DNAH6: variants seen among roughly 807,000 people sequenced by gnomAD.
The protein encoded by DNAH6 is axonemal beta dynein heavy chain 6.
DNAH6 carries 340 observed loss-of-function variants against 491.4 expected under a neutral mutation model. That is an observed-to-expected ratio of 0.69 (90% CI 0.63 to 0.76). The LOEUF (loss-of-function observed/expected upper bound fraction) is 0.76, where lower values mean the gene tolerates loss of function less well. Among genes scored for constraint, DNAH6 ranks in the 30% least tolerant of loss-of-function variants. DNAH6 has a pLI of 0.00. For missense variants in DNAH6, 4,443 were observed against 4,972.2 expected (o/e 0.89, Z 3.20); for synonymous variants, 1,603 against 1,686.1 (o/e 0.95, Z 1.21).
chr2:84,623,513 ATATT>A (rs1687586581), intron 26 of DNAH6, among the ~76,000 whole-genome samples: 4 of 152,304 alleles, frequency 2.6e-5, no homozygotes, highest in Middle Eastern at 3.4e-3. Context: ...TAAATTTTCA[ATATT>A]TATTTATCAA....
chr2:84,712,326 A>T (rs1172998219), intron 56 of DNAH6, among the ~76,000 whole-genome samples: 1 of 152,250 alleles, frequency 6.6e-6, no homozygotes, highest in Non-Finnish European at 1.5e-5. Flanking sequence ...TGTGGAACAG[A>T]TTTGTTAAAA....
chr2:84,661,392 A>C (rs1691496471), intron 37 of DNAH6, among the ~76,000 whole-genome samples: 1 of 152,164 alleles, frequency 6.6e-6, no homozygotes, highest in African/African-American at 2.4e-5. Flanking sequence ...GAAGAAGTAA[A>C]ATAGTCATTA....
At chr2:84,696,659 GTT>G (rs1393386400) in intron 46 of DNAH6, among the ~76,000 whole-genome samples, 1 of 151,888 alleles carries the variant, frequency 6.6e-6, no homozygotes, top group Non-Finnish European at 1.5e-5. Flanking sequence ...AAAACAAAAA[GTT>G]TCAAATGAAG....
chr2:84,473,493 C>G, the DNAH6 span, among the ~76,000 whole-genome samples: 1 of 152,204 alleles, frequency 6.6e-6, no homozygotes, highest in Non-Finnish European at 1.5e-5. Context: ...TGGATTAATT[C>G]ATTCTACTTG....
intron 63 of DNAH6, among the ~76,000 whole-genome samples, chr2:84,749,180 ACT>A (rs1394571912): frequency 2.6e-5 from 4 of 151,984 alleles, no homozygotes; most frequent in Admixed American, 1.3e-4. Context: ...AAACATTCAA[ACT>A]CTGTCATTCT....
chr2:84,705,636 G>T lies in DNAH6; in HGVS notation c.8616G>T (p.Glu2872Asp). The T allele has an allele frequency of 6.4e-7, 1 of 1,551,606 alleles. No homozygotes were observed. Among genetic ancestry groups the T allele is most frequent in the Non-Finnish European group, 8.7e-7 (1 of 1,146,972 alleles). Residue 2872 changes from glutamate (E) to aspartate (D), a missense_variant, in exon 52 of 77, where the codon GAG becomes GAT. Physicochemically the swap from Glu to Asp is conservative, Grantham distance 45. Around this residue, in one of 3 missense-constraint regions of DNAH6, gnomAD observed 1,463 missense variants for 1,656.6 expected, o/e 0.88. Coordinates refer to ENST00000389394, the MANE Select transcript of DNAH6 (RefSeq NM_001370.2). ...NNPDFVPEKV[E>D]KVSKACKSMC... ...CTGATTTTGTGCCTGAAAAAGTGGA[G>T]AAAGTGTCCAAAGCATGTAAATCTA...
chr2:84,525,956 C>G (rs2104433954), intron 3 of DNAH6, among the ~76,000 whole-genome samples: 1 of 152,238 alleles, frequency 6.6e-6, no homozygotes, highest in African/African-American at 2.4e-5. Flanking sequence ...ACAGTGCCTT[C>G]TGACCTTCTT....
At chr2:84,593,114 A>G (rs1443094595) in intron 16 of DNAH6, among the ~76,000 whole-genome samples, 1 of 152,216 alleles carries the variant, frequency 6.6e-6, no homozygotes, top group Non-Finnish European at 1.5e-5. Context: ...CAATAAAAAG[A>G]AAAGTTAAAA....
chr2:84,785,716 A>C lies in DNAH6; in HGVS notation c.11060A>C (p.Gln3687Pro). The change falls in exon 67 of 77, where the codon CAA becomes CCA. Residue 3687 changes from glutamine (Q) to proline (P), a missense_variant. Transcript: ENST00000389394. ...EENILGKKWR[Q>P]IIFGICFFHA... ...AATATACTTGGAAAAAAATGGAGACAAATAATATTTGGCATTTGTTTCTTC... is the reference window on the plus strand; with the variant it reads ...AATATACTTGGAAAAAAATGGAGACCAATAATATTTGGCATTTGTTTCTTC... The C allele has an allele frequency of 1.3e-6, 2 of 1,547,440 alleles. No homozygotes were observed. The highest frequency in any genetic ancestry group is 1.7e-6 in the Non-Finnish European group (2 of 1,145,644).
intron 43 of DNAH6, 23 bp downstream of exon 43, chr2:84,685,495 T>G: frequency 7.3e-7 from 1 of 1,366,360 alleles, no homozygotes; most frequent in Non-Finnish European, 9.6e-7. Flanking sequence ...CTTTACCTAT[T>G]CTTTTTTTTA....
chr2:84,737,662 G>A (rs1184335541), intron 62 of DNAH6, among the ~76,000 whole-genome samples: 1 of 151,658 alleles, frequency 6.6e-6, no homozygotes, highest in Non-Finnish European at 1.5e-5. Flanking sequence ...TATTTCGGGG[G>A]GATCATTTGT....
At chr2:84,492,434 G>A in the DNAH6 span, among the ~76,000 whole-genome samples, 2 of 152,150 alleles carry the variant, frequency 1.3e-5, no homozygotes, top group South Asian at 4.1e-4. Context: ...CCTGTGTGGT[G>A]CCACAAATTC....
rs1428640441 is a variant in DNAH6, at chr2:84,640,557, A to G, written c.4949A>G (p.Lys1650Arg). 1 of 1,550,404 alleles carries G rather than the reference A, an allele frequency of 6.4e-7. No individual in the cohort carries two copies. Among genetic ancestry groups the G allele is most frequent in the African/African-American group, 1.4e-5 (1 of 73,098 alleles). ...TACGACTTTGGCATGAGAGCTGTGA[A>G]GTCTGTCCTGGTCATGGCTGGGTAA... The part of the protein sequence containing the change: ...DHYDFGMRAV[K>R]SVLVMAGSLK... Residue 1650 changes from lysine to arginine, a missense_variant, in exon 32 of 77, where the codon AAG becomes AGG. Transcript: ENST00000389394.
Position 84,616,746 on chromosome 2 carries a change from G to A in DNAH6, c.3476-140G>A, listed in dbSNP as rs1033841809. 1.1e-5 allele frequency: 5 copies of A among 475,426 alleles called. No homozygotes were observed. In the South Asian group the frequency reaches 2.2e-4, roughly 21 times the overall value. 29.5% of individuals were successfully genotyped at this position (475,426 alleles called of 1,614,324 possible). On this transcript the variant is annotated intron_variant, in intron 22 of 76. Coordinates refer to ENST00000389394, the MANE Select transcript of DNAH6 (RefSeq NM_001370.2). ...TAACTTTAGGTTTGGATAATTCAAA[G>A]CATATTTTTATAAGAGTTTTATTAA...
At chr2:84,710,947 A>G (rs60262568) in intron 56 of DNAH6, among the ~76,000 whole-genome samples, 9,935 of 152,202 alleles carry the variant, frequency 0.065, 1,053 homozygotes, top group African/African-American at 0.22. Flanking sequence ...GCAAGAATGG[A>G]TGTTATTTAA....
chr2:84,694,805 T>A (rs1023352497), intron 46 of DNAH6, among the ~76,000 whole-genome samples: 1 of 152,192 alleles, frequency 6.6e-6, no homozygotes, highest in Non-Finnish European at 1.5e-5. Context: ...AAAATTCAAT[T>A]AGGGAAACAT....
In DNAH6 at chr2:84,528,984, TG is replaced by T; in HGVS notation, c.483del (p.Thr162LeufsTer31). On this transcript the variant is annotated frameshift_variant, in exon 4 of 77. Coordinates refer to ENST00000389394, the MANE Select transcript of DNAH6 (RefSeq NM_001370.2). LOFTEE classifies it high-confidence loss of function. ...CTGGTATTGGAAAAAGAGGTCTCTT[TG>T]GGACTAGATCTTCAGCTTACCCTAA... ...HTGIGKRGLF[G>X]TRSSAYPKYT... The T allele has an allele frequency of 1.9e-6, 3 of 1,551,366 alleles. No individual in the cohort carries two copies. Among genetic ancestry groups the T allele is most frequent in the Non-Finnish European group, 2.6e-6 (3 of 1,146,748 alleles).
intron 9 of DNAH6, among the ~76,000 whole-genome samples, chr2:84,550,621 C>A (rs2104556011): frequency 6.6e-6 from 1 of 152,280 alleles, no homozygotes; most frequent in African/African-American, 2.4e-5. Context: ...GTTCCTGTCA[C>A]AGGAACTTGC....
chr2:84,669,946 A>G (rs757087150), intron 38 of DNAH6, among the ~76,000 whole-genome samples: 7 of 152,158 alleles, frequency 4.6e-5, no homozygotes, highest in Non-Finnish European at 1.0e-4. Context: ...AGTAGAATGG[A>G]GGGAGGAATA....
Sources: gnomAD v4.1 joint callset for allele counts (sites outside exome capture counted in the v4.1 genomes callset) on GRCh38, gnomAD v4.1.1 for gene constraint, gnomAD v4.1.1 regional missense constraint, MANE v1.5 for transcripts, NCBI Gene and HGNC (gene_info 2026-07-23, HGNC 2026-07-21) for gene names.